SLC36A1: variants seen among roughly 807,000 people sequenced by gnomAD.
SLC36A1 encodes proton-coupled amino acid transporter 1.
SLC36A1 carries 30 observed loss-of-function variants against 47.5 expected under a neutral mutation model. The observed-to-expected ratio is 0.63, with a 90% CI of 0.47 to 0.86. SLC36A1 has a LOEUF of 0.86. Ranked by LOEUF, SLC36A1 falls within the 40% of genes least tolerant of loss-of-function variation. The pLI, the probability that SLC36A1 is intolerant of heterozygous loss-of-function variation, is 0.00. For synonymous variants in SLC36A1, 255 were observed against 249.7 expected (o/e 1.02, Z -0.20); for missense variants, 517 against 606.0 (o/e 0.85, Z 1.54).
chr5:151,418,632 G>T, the SLC36A1 span, among the ~76,000 whole-genome samples: 1 of 152,306 alleles, frequency 6.6e-6, no homozygotes, highest in Non-Finnish European at 1.5e-5. Flanking sequence ...TACCACCATT[G>T]TGTCTAGGAA....
chr5:151,477,828 T>C (rs1758287567), intron 9 of SLC36A1, among the ~76,000 whole-genome samples: 1 of 152,176 alleles, frequency 6.6e-6, no homozygotes, highest in South Asian at 2.1e-4. Flanking sequence ...GGAAGATAAA[T>C]GGATCGGGAG....
the SLC36A1 span, among the ~76,000 whole-genome samples, chr5:151,377,269 T>C: frequency 6.6e-6 from 1 of 152,114 alleles, no homozygotes; most frequent in African/African-American, 2.4e-5. Context: ...TCTTTGTTGA[T>C]TTTCTGTCTC....
chr5:151,534,375 C>T, the SLC36A1 span: 1 of 1,534,850 alleles, frequency 6.5e-7, no homozygotes, highest in East Asian at 2.3e-5. Context: ...CCCAGGAGAT[C>T]ATTGGAAATG....
chr5:151,544,784 A>G, the SLC36A1 span: 114 of 1,614,084 alleles, frequency 7.1e-5, 1 homozygote, highest in South Asian at 1.2e-3. Context: ...ATTCGGAAAT[A>G]TGTGTAATCT....
intron 10 of SLC36A1, among the ~76,000 whole-genome samples, chr5:151,486,721 A>G (rs929647911): frequency 6.6e-6 from 1 of 152,222 alleles, no homozygotes; most frequent in Non-Finnish European, 1.5e-5. Context: ...TCAATGAGGT[A>G]GTAGATAAGC....
upstream of SLC36A1, among the ~76,000 whole-genome samples, chr5:151,445,165 T>C (rs915734708): frequency 3.3e-5 from 5 of 152,154 alleles, no homozygotes; most frequent in Admixed American, 3.3e-4. Flanking sequence ...CAAGAAGGTA[T>C]GTTGGGGTGG....
chr5:151,540,585 G>A, the SLC36A1 span: 55 of 1,613,546 alleles, frequency 3.4e-5, no homozygotes, highest in African/African-American at 6.7e-4. Flanking sequence ...ACTGTGGGCT[G>A]TTATCATTGA....
chr5:151,447,557 G>A (rs1211838890), upstream of SLC36A1: 1 of 152,404 alleles, frequency 6.6e-6, no homozygotes, highest in African/African-American at 2.4e-5. Context: ...CCGCTCAAGG[G>A]AGCACGTGAC....
the SLC36A1 span, among the ~76,000 whole-genome samples, chr5:151,501,276 G>T: frequency 6.6e-6 from 1 of 152,008 alleles, no homozygotes; most frequent in African/African-American, 2.4e-5. Context: ...AGCTGGGCTT[G>T]GAATCAAACC....
chr5:151,354,154 A>G, the SLC36A1 span, among the ~76,000 whole-genome samples: 1 of 152,168 alleles, frequency 6.6e-6, no homozygotes, highest in South Asian at 2.1e-4. Context: ...ATATACAAAA[A>G]TTAGCCAGGC....
the SLC36A1 span, chr5:151,546,353 A>C: frequency 6.3e-7 from 1 of 1,597,712 alleles, no homozygotes; most frequent in Admixed American, 1.7e-5. Flanking sequence ...ACAGAAGACA[A>C]GACAAACAAG....
At chr5:151,536,689 A>G in the SLC36A1 span, among the ~76,000 whole-genome samples, 1 of 152,138 alleles carries the variant, frequency 6.6e-6, no homozygotes, top group Non-Finnish European at 1.5e-5. Flanking sequence ...CAACCCATCC[A>G]CTGAGCCAGA....
chr5:151,476,896 C>A, intron 9 of SLC36A1, 140 bp downstream of exon 9: 1 of 1,054,252 alleles, frequency 9.5e-7, no homozygotes, highest in Non-Finnish European at 1.4e-6. Flanking sequence ...ACTGCCAGCC[C>A]TCACTGGCTG....
chr5:151,522,237 A>AC, the SLC36A1 span: 2 of 606,588 alleles, frequency 3.3e-6, no homozygotes, highest in South Asian at 5.2e-5. Flanking sequence ...GAAAAAAAAA[A>AC]CCTAACTCCA....
chr5:151,348,401 C>G, the SLC36A1 span, among the ~76,000 whole-genome samples: 2 of 152,174 alleles, frequency 1.3e-5, no homozygotes, highest in Non-Finnish European at 2.9e-5. Flanking sequence ...ATTTCCTCCT[C>G]CCTCAAAATT....
the SLC36A1 span, chr5:151,506,249 T>C: frequency 1.3e-6 from 1 of 775,614 alleles, no homozygotes; most frequent in Non-Finnish European, 1.8e-6. Context: ...TGGCTTACGT[T>C]GATAACATAG....
At chr5:151,535,424 T>C in the SLC36A1 span, among the ~76,000 whole-genome samples, 8 of 152,216 alleles carry the variant, frequency 5.3e-5, no homozygotes, top group South Asian at 1.0e-3. Flanking sequence ...GCTGACATCA[T>C]GAGGCTCCCA....
chr5:151,424,000 A>C, the SLC36A1 span, among the ~76,000 whole-genome samples: 12 of 152,202 alleles, frequency 7.9e-5, no homozygotes, highest in African/African-American at 2.9e-4. Flanking sequence ...AAAACCTTGA[A>C]TATTTAAGAA....
chr5:151,409,257 C>G, the SLC36A1 span, among the ~76,000 whole-genome samples: 1 of 152,056 alleles, frequency 6.6e-6, no homozygotes, highest in South Asian at 2.1e-4. Flanking sequence ...GCCTCAGCCT[C>G]CCAAGTGCTA....
Sources: gnomAD v4.1 joint callset for allele counts (sites outside exome capture counted in the v4.1 genomes callset) on GRCh38, gnomAD v4.1.1 for gene constraint, MANE v1.5 for transcripts, NCBI Gene and HGNC (gene_info 2026-07-23, HGNC 2026-07-21) for gene names.